TRMT44: variants seen among roughly 807,000 people sequenced by gnomAD.
TRMT44 encodes the protein tRNA methyltransferase 44 homolog.
In TRMT44, 78 loss-of-function variants were observed where a neutral mutation model predicts 77.3. The observed-to-expected ratio is 1.01, with a 90% confidence interval of 0.84 to 1.22. TRMT44 has a LOEUF of 1.22. Ranked by LOEUF, TRMT44 falls within the 50% of genes most tolerant of loss-of-function variation. The pLI, the probability that TRMT44 is intolerant of heterozygous loss-of-function variation, is 0.00. For synonymous variants in TRMT44, 391 were observed against 383.3 expected, an observed-to-expected ratio of 1.02 and a Z score of -0.23; for missense variants, 1,090 against 964.4, an observed-to-expected ratio of 1.13 and a Z score of -1.73.
At chr4:8,467,026 C>G (rs1726607824) in intron 8 of TRMT44, among the ~76,000 whole-genome samples, 1 of 152,174 alleles carries the variant, frequency 6.6e-6, no homozygotes, top group Non-Finnish European at 1.5e-5. Flanking sequence ...AAATGAGGTG[C>G]CCTTGCTGGG....
At chr4:8,475,443 G>A (rs752922799) in intron 10 of TRMT44, among the ~76,000 whole-genome samples, 3 of 152,156 alleles carry the variant, frequency 2.0e-5, no homozygotes, top group Admixed American at 6.5e-5. Flanking sequence ...GCTGTCCCTC[G>A]AATGTGGCCA....
intron 1 of TRMT44, among the ~76,000 whole-genome samples, chr4:8,445,717 A>G: frequency 6.6e-6 from 1 of 152,036 alleles, no homozygotes. Context: ...ATCTGAATCC[A>G]CTTAGCCCCT....
the TRMT44 span, chr4:8,509,204 G>A: frequency 6.6e-6 from 1 of 152,014 alleles, no homozygotes; most frequent in African/African-American, 2.4e-5. Flanking sequence ...GACGGAGGGA[G>A]GGAGGGAAAA....
At chr4:8,480,373 T>C (rs1727575799), downstream of TRMT44, among the ~76,000 whole-genome samples, 1 of 152,176 alleles carries the variant, frequency 6.6e-6, no homozygotes, top group African/African-American at 2.4e-5. Flanking sequence ...TTGTGTCCCT[T>C]TTCCCATGAT....
At chr4:8,448,015 C>T (rs1314066247) in intron 2 of TRMT44, among the ~76,000 whole-genome samples, 1 of 152,164 alleles carries the variant, frequency 6.6e-6, no homozygotes, top group Non-Finnish European at 1.5e-5. Context: ...GTGGCTGCTG[C>T]TCCCATCTTC....
chr4:8,479,089 C>T (rs553106247), downstream of TRMT44: 4 of 152,362 alleles, frequency 2.6e-5, no homozygotes, highest in African/African-American at 7.2e-5. Context: ...TCCTGCCATC[C>T]GCTGCGGCTA....
Position 8,451,073 on chromosome 4 carries a change from AT to A in TRMT44, c.955-880del. Among the ~76,000 whole-genome samples, 1 of 151,740 alleles carries A rather than the reference AT, an allele frequency of 6.6e-6. No individual in the cohort carries two copies. Among genetic ancestry groups the A allele is most frequent in the East Asian group, 1.9e-4 (1 of 5,162 alleles). On this transcript the variant is annotated intron_variant, in intron 3 of 10. Transcript: ENST00000389737. This position sits in a 1 kb window ranked among gnomAD's most constrained non-coding sequence, Gnocchi z 4.1. ...TTGAGCCACTGCCCGGCTTCCATGT[AT>A]TTTTTTAATCAGTCACGTCTTGCTC...
In TRMT44 at chr4:8,441,378, G is replaced by A. The variant is rs1392034836; in HGVS notation, c.556G>A (p.Val186Ile). 2.6e-6 allele frequency: 4 copies of A among 1,532,186 alleles called. No homozygotes were observed. The South Asian group carries it at 3.6e-5, about 14-fold the overall frequency. 94.9% of individuals were successfully genotyped at this position (1,532,186 alleles called of 1,614,324 possible). Residue 186 changes from valine to isoleucine, a missense_variant, in exon 1 of 11, where the codon GTC (valine) becomes ATC (isoleucine). Val to Ile is a conservative substitution (Grantham distance 29). Transcript: ENST00000389737. ...QRELDVVLRT[V>I]IPKTSPHCPL... ...TGAGCTCGACGTGGTTCTCAGAACC[G>A]TCATCCCGAAAACTAGCCCACATTG...
downstream of TRMT44, among the ~76,000 whole-genome samples, chr4:8,495,224 T>C (rs1728117361): frequency 6.6e-6 from 1 of 152,192 alleles, no homozygotes; most frequent in African/African-American, 2.4e-5. Flanking sequence ...CTTGGGCAGT[T>C]TGCATCCATT....
chr4:8,488,061 G>A (rs1727871944), intron 2 of TRMT44, among the ~76,000 whole-genome samples: 1 of 152,192 alleles, frequency 6.6e-6, no homozygotes, highest in Admixed American at 6.5e-5. Flanking sequence ...AGGAGAAAGA[G>A]GTTGAGTGAT....
chr4:8,477,605 GAAAGAACTCTCTTCCC>G (rs1364037441), downstream of TRMT44: 1 of 152,758 alleles, frequency 6.5e-6, no homozygotes. Flanking sequence ...CAGGTAGATG[GAAAGAACTCTCTTCCC>G]AAAGACAAGC....
intron 2 of TRMT44, among the ~76,000 whole-genome samples, chr4:8,482,715 A>G (rs1727662583): frequency 6.6e-6 from 1 of 152,040 alleles, no homozygotes; most frequent in African/African-American, 2.4e-5. Context: ...TTGTGGTGGA[A>G]TGTCATCAGT....
intron 9 of TRMT44, among the ~76,000 whole-genome samples, chr4:8,469,637 G>A (rs1300374622): frequency 3.3e-5 from 5 of 152,204 alleles, no homozygotes; most frequent in African/African-American, 1.2e-4. Flanking sequence ...GTGAGCGGTG[G>A]GCTCAGTCCT....
At chr4:8,486,107 G>A (rs897816911) in intron 2 of TRMT44, among the ~76,000 whole-genome samples, 1 of 152,200 alleles carries the variant, frequency 6.6e-6, no homozygotes, top group African/African-American at 2.4e-5. Flanking sequence ...GAGTTCCAGG[G>A]GCTCTGGGAG....
downstream of TRMT44, chr4:8,478,150 G>C (rs997695714): frequency 6.5e-6 from 1 of 152,892 alleles, no homozygotes; most frequent in Non-Finnish European, 1.5e-5. Flanking sequence ...CTGGTTCTGC[G>C]CTTGGTGCTG....
rs200278914 is a variant in TRMT44, at chr4:8,465,534, C to T, written c.1467C>T (p.Asp489=). 21 of 1,613,366 alleles carry T rather than the reference C, an allele frequency of 1.3e-5. No homozygotes were observed. Among genetic ancestry groups the T allele is most frequent in the East Asian group, 2.2e-5 (1 of 44,894 alleles). The change falls in exon 8 of 11, where the codon GAC becomes GAT. Residue 489 remains aspartate, a synonymous_variant. Coordinates refer to ENST00000389737, the MANE Select transcript of TRMT44 (RefSeq NM_152544.3). ...GFTCGFHVDE[D]CLRIPSTKRV... Reference sequence around the variant, plus strand: ...CCTGTGGGTTTCACGTGGACGAAGACTGCCTCAGGATTCCTTCAACCAAAA... The same window carrying T: ...CCTGTGGGTTTCACGTGGACGAAGATTGCCTCAGGATTCCTTCAACCAAAA...
chr4:8,497,400 C>T (rs1728179258), downstream of TRMT44, among the ~76,000 whole-genome samples: 2 of 152,136 alleles, frequency 1.3e-5, no homozygotes, highest in African/African-American at 2.4e-5. Flanking sequence ...AATCCTGGCA[C>T]TTTGGGAGGC....
At chr4:8,455,769 TAAC>T (rs796891484) in intron 6 of TRMT44, among the ~76,000 whole-genome samples, 1 of 152,202 alleles carries the variant, frequency 6.6e-6, no homozygotes, top group African/African-American at 2.4e-5. Flanking sequence ...GAATTGTAGG[TAAC>T]AACAACACAA....
intron 2 of TRMT44, among the ~76,000 whole-genome samples, chr4:8,449,432 G>T (rs1167472111): frequency 6.6e-6 from 1 of 152,216 alleles, no homozygotes; most frequent in Non-Finnish European, 1.5e-5. Context: ...CGCCTCAGGG[G>T]CTTCGCAGTG....
Sources: gnomAD v4.1 joint callset for allele counts (sites outside exome capture counted in the v4.1 genomes callset) on GRCh38, gnomAD v4.1.1 for gene constraint, Gnocchi (gnomAD v3.1) non-coding constraint, MANE v1.5 for transcripts, NCBI Gene and HGNC (gene_info 2026-07-23, HGNC 2026-07-21) for gene names.